Variants in HOMER1 observed in about 807,000 individuals in gnomAD.
The protein encoded by HOMER1 is homer scaffold protein 1.
Under a neutral mutation model 48.9 loss-of-function variants are expected in HOMER1, and 3 were observed. The observed-to-expected ratio is 0.06, with a 90% CI of 0.03 to 0.16. The LOEUF (loss-of-function observed/expected upper bound fraction) is 0.16. HOMER1 is among the 10% of genes least tolerant of loss of function. The pLI is 1.00. For synonymous variants in HOMER1, 134 were observed against 146.4 expected, an observed-to-expected ratio of 0.92 and a Z score of 0.61; for missense variants, 247 against 411.4, an observed-to-expected ratio of 0.60 and a Z score of 3.46.
intron 4 of HOMER1, among the ~76,000 whole-genome samples, chr5:79,444,047 T>C (rs528567245): frequency 6.6e-6 from 1 of 152,346 alleles, no homozygotes; most frequent in South Asian, 2.1e-4. Flanking sequence ...ACCAAGTTTC[T>C]ACTACTATCG....
At chr5:79,430,511 A>T (rs1251841724) in intron 5 of HOMER1, among the ~76,000 whole-genome samples, 1 of 152,264 alleles carries the variant, frequency 6.6e-6, no homozygotes, top group Non-Finnish European at 1.5e-5. Flanking sequence ...ACTACTAGGT[A>T]TATACTCAAG....
At chr5:79,384,851 A>G (rs907155960) in intron 8 of HOMER1, among the ~76,000 whole-genome samples, 2 of 152,208 alleles carry the variant, frequency 1.3e-5, no homozygotes, top group Non-Finnish European at 2.9e-5. Context: ...ACACAGAGAA[A>G]TTAATAAATG....
At chr5:79,486,318 G>C (rs1054509834) in intron 1 of HOMER1, among the ~76,000 whole-genome samples, 5 of 100,056 alleles carry the variant, frequency 5.0e-5, no homozygotes, top group Middle Eastern at 4.9e-3. Context: ...GGGATGGTTT[G>C]TCATGTTGCA....
At chr5:79,502,984 G>C (rs540154777) in intron 1 of HOMER1, among the ~76,000 whole-genome samples, 1 of 150,044 alleles carries the variant, frequency 6.7e-6, no homozygotes, top group African/African-American at 2.5e-5. Flanking sequence ...TAGAGACAGG[G>C]TTTCACCGTG....
At chr5:79,511,720 G>A (rs1046901008) in intron 1 of HOMER1, among the ~76,000 whole-genome samples, 3 of 152,212 alleles carry the variant, frequency 2.0e-5, no homozygotes, top group African/African-American at 7.2e-5. Context: ...AGTTATGCAT[G>A]TTAAACTTCA....
chr5:79,498,098 T>C (rs1279794545), intron 1 of HOMER1, among the ~76,000 whole-genome samples: 4 of 152,152 alleles, frequency 2.6e-5, no homozygotes, highest in Non-Finnish European at 5.9e-5. Context: ...CCTTCTTCAG[T>C]CAAGAGTTAA....
intron 1 of HOMER1, among the ~76,000 whole-genome samples, chr5:79,503,033 C>T (rs759645571): frequency 1.5e-4 from 23 of 152,210 alleles, no homozygotes; most frequent in East Asian, 5.8e-4. Context: ...GTGATCTGCC[C>T]GCCTTGGCCT....
intron 1 of HOMER1, among the ~76,000 whole-genome samples, chr5:79,457,877 A>G (rs1751215447): frequency 6.6e-6 from 1 of 152,214 alleles, no homozygotes. Context: ...AGTATCTTAT[A>G]TTTGACTCTT....
intron 5 of HOMER1, among the ~76,000 whole-genome samples, chr5:79,423,422 A>G (rs1434940925): frequency 6.6e-6 from 1 of 152,176 alleles, no homozygotes; most frequent in African/African-American, 2.4e-5. Context: ...TGCTAATTTT[A>G]CATTATTGTT....
At chr5:79,388,063 C>T (rs1019873812) in intron 8 of HOMER1, among the ~76,000 whole-genome samples, 5 of 152,060 alleles carry the variant, frequency 3.3e-5, no homozygotes, top group African/African-American at 4.8e-5. Context: ...GACTAAACTA[C>T]GGTAACCCCA....
At chr5:79,468,605 T>C (rs1001789379) in intron 1 of HOMER1, among the ~76,000 whole-genome samples, 2 of 152,244 alleles carry the variant, frequency 1.3e-5, no homozygotes, top group Non-Finnish European at 2.9e-5. Context: ...ATATTTTCTG[T>C]AGCTATTTCC....
chr5:79,480,445 A>C (rs1360190184), intron 1 of HOMER1, among the ~76,000 whole-genome samples: 2 of 152,228 alleles, frequency 1.3e-5, no homozygotes, highest in Non-Finnish European at 2.9e-5. Flanking sequence ...ATTAAAATCC[A>C]AGACTAACTC....
At chr5:79,427,614 C>CTTCCTTCCTTCCT (rs564879212) in intron 5 of HOMER1, among the ~76,000 whole-genome samples, 3 of 151,902 alleles carry the variant, frequency 2.0e-5, no homozygotes, top group African/African-American at 7.3e-5. Context: ...TGTTTACAAC[C>CTTCCTTCCTTCCT]TTCCTTCCTT....
At chr5:79,390,985 A>G (rs1749233435) in intron 8 of HOMER1, among the ~76,000 whole-genome samples, 1 of 152,134 alleles carries the variant, frequency 6.6e-6, no homozygotes, top group Non-Finnish European at 1.5e-5. Flanking sequence ...AATAAAAGTG[A>G]AAGAATGAAA....
At chr5:79,505,174 A>G (rs958510904) in intron 1 of HOMER1, among the ~76,000 whole-genome samples, 1 of 152,102 alleles carries the variant, frequency 6.6e-6, no homozygotes, top group African/African-American at 2.4e-5. Context: ...CAGGAGAATC[A>G]TCTGAGCCTG....
At chr5:79,472,651 A>G (rs1487823967) in intron 1 of HOMER1, among the ~76,000 whole-genome samples, 1 of 151,892 alleles carries the variant, frequency 6.6e-6, no homozygotes, top group African/African-American at 2.4e-5. Context: ...ACGATGGTAC[A>G]TGCCTATGTC....
chr5:79,386,447 T>C lies in HOMER1; in HGVS notation c.877-10250A>G, dbSNP rs141267146. 1.8e-3 allele frequency among the ~76,000 whole-genome samples: 277 copies of C among 152,254 alleles called. 1 individual carries two copies. The highest frequency in any genetic ancestry group is 6.4e-3 in the African/African-American group (267 of 41,538). ...TGGACATAGAGTGTAGAATGATGGT[T>C]ACCAGAAGCTGGGAAAGGTGTGATG... On this transcript the variant is annotated intron_variant, in intron 8 of 8. Transcript: ENST00000334082.
intron 5 of HOMER1, among the ~76,000 whole-genome samples, chr5:79,414,608 G>A (rs1413589071): frequency 6.6e-6 from 1 of 152,028 alleles, no homozygotes; most frequent in African/African-American, 2.4e-5. Context: ...TGAACTCCTG[G>A]ACTCAAATGA....
chr5:79,489,194 G>C (rs1451619223), intron 1 of HOMER1, among the ~76,000 whole-genome samples: 1 of 152,134 alleles, frequency 6.6e-6, no homozygotes, highest in African/African-American at 2.4e-5. Context: ...AGCACTATGA[G>C]GATTCAGGAG....
Sources: gnomAD v4.1 joint callset for allele counts (sites outside exome capture counted in the v4.1 genomes callset) on GRCh38, gnomAD v4.1.1 for gene constraint, MANE v1.5 for transcripts, NCBI Gene and HGNC (gene_info 2026-07-23, HGNC 2026-07-21) for gene names.